The following UBN2 variants were observed in gnomAD, a reference collection of about 807,000 sequenced individuals.
UBN2 encodes the protein ubinuclein-2.
In UBN2, 35 loss-of-function variants were observed where a neutral mutation model predicts 120.2. That is an observed-to-expected ratio of 0.29 (90% CI 0.22 to 0.39). The LOEUF is 0.39. UBN2 is among the 10% of genes least tolerant of loss of function. UBN2 has a pLI of 1.00. For synonymous variants in UBN2, 661 were observed against 648.7 expected (o/e 1.02, Z -0.29); for missense variants, 1,693 against 1,663.2 (o/e 1.02, Z -0.31).
chr7:139,232,067 G>A (rs1796035847), intron 1 of UBN2, 115 bp downstream of exon 1: 2 of 1,027,362 alleles, frequency 1.9e-6, no homozygotes, highest in Non-Finnish European at 2.7e-6. Flanking sequence ...CGCCCCGAGG[G>A]TGGGGTGCGG....
chr7:139,240,285 A>G (rs1584985399), intron 2 of UBN2, among the ~76,000 whole-genome samples: 3 of 151,350 alleles, frequency 2.0e-5, no homozygotes, highest in Non-Finnish European at 4.4e-5. Flanking sequence ...GTGTGTGTGT[A>G]TATGTATATA....
At chr7:139,237,838 A>T (rs1255127028) in intron 2 of UBN2, among the ~76,000 whole-genome samples, 3 of 152,000 alleles carry the variant, frequency 2.0e-5, no homozygotes, top group African/African-American at 4.8e-5. Flanking sequence ...CCTGCCTCCT[A>T]AGAGTTTGAG....
At chr7:139,275,024 TAGC>T (rs1381780676) in intron 11 of UBN2, among the ~76,000 whole-genome samples, 1 of 152,022 alleles carries the variant, frequency 6.6e-6, no homozygotes, top group African/African-American at 2.4e-5. Context: ...ACACCTGTAA[TAGC>T]AGCACTTTGG....
At chr7:139,266,086 A>G (rs1585007311) in intron 6 of UBN2, among the ~76,000 whole-genome samples, 1 of 148,728 alleles carries the variant, frequency 6.7e-6, no homozygotes, top group Non-Finnish European at 1.5e-5. Flanking sequence ...TTAGATGTTC[A>G]TCTCAAAGTA....
downstream of UBN2, among the ~76,000 whole-genome samples, chr7:139,310,185 C>T (rs1163677173): frequency 6.6e-6 from 1 of 151,802 alleles, no homozygotes; most frequent in African/African-American, 2.4e-5. Flanking sequence ...ACACAATAAA[C>T]TGCTTGATTT....
the UBN2 span, among the ~76,000 whole-genome samples, chr7:139,326,038 A>G: frequency 6.8e-6 from 1 of 148,090 alleles, no homozygotes; most frequent in African/African-American, 2.6e-5. Context: ...TAAAAGTACA[A>G]AAATTAGCCA....
At chr7:139,267,148 T>G (rs1370593982) in intron 7 of UBN2, among the ~76,000 whole-genome samples, 1 of 152,198 alleles carries the variant, frequency 6.6e-6, no homozygotes, top group Non-Finnish European at 1.5e-5. Flanking sequence ...GGCAAAAAAG[T>G]AATCATGAGG....
the UBN2 span, among the ~76,000 whole-genome samples, chr7:139,316,051 T>C: frequency 2.6e-5 from 3 of 115,622 alleles, no homozygotes; most frequent in Non-Finnish European, 4.8e-5. Context: ...CACTCCAGCC[T>C]GGGCAACAAG....
rs1798278509 is a variant in UBN2, at chr7:139,302,343, GC to G, written c.*4509del. ...CCCTTTCCATGTTTGCAAAACTTCT[GC>G]CTTGTTTATTCCATTGCTTTTAGTT... On this transcript the variant is annotated 3_prime_UTR_variant, in exon 18 of 18. Transcript: ENST00000473989. 1 of 152,170 alleles carries G rather than the reference GC, an allele frequency of 6.6e-6. No homozygotes were observed. Among genetic ancestry groups the G allele is most frequent in the South Asian group, 2.1e-4 (1 of 4,824 alleles). The allele number at this position is 152,170 out of a possible 1,614,324, so 9.4% of individuals were successfully genotyped here. A position where few individuals can be genotyped will look rare whatever the true frequency, so the allele number is the denominator to read the frequency against.
chr7:139,323,762 G>A, the UBN2 span, among the ~76,000 whole-genome samples: 1 of 151,880 alleles, frequency 6.6e-6, no homozygotes, highest in Non-Finnish European at 1.5e-5. Flanking sequence ...GCTAATTTTG[G>A]TATTTTTGGT....
In UBN2 at chr7:139,297,845, C is replaced by G. The variant is rs1268480294; in HGVS notation, c.*9C>G. 3 of 1,614,028 alleles carry G rather than the reference C, an allele frequency of 1.9e-6. No homozygotes were observed. The highest frequency in any genetic ancestry group is 1.7e-5 in the Admixed American group (1 of 60,028). ...CACGGAAATCTCAGTGACTGCCCAGCAAGCAAAGGAGACGAAATGTTTAGT... is the reference window on the plus strand; with the variant it reads ...CACGGAAATCTCAGTGACTGCCCAGGAAGCAAAGGAGACGAAATGTTTAGT... On this transcript the variant is annotated 3_prime_UTR_variant, in exon 18 of 18. Transcript: ENST00000473989.
chr7:139,303,127 TAGAA>T lies in UBN2; in HGVS notation c.*5295_*5298del, dbSNP rs1332293706. The T allele has an allele frequency of 1.3e-5, 2 of 152,230 alleles. No individual in the cohort carries two copies. The highest frequency in any genetic ancestry group is 4.8e-5 in the African/African-American group (2 of 41,464). The allele number at this position is 152,230 out of a possible 1,614,324, so 9.4% of individuals were successfully genotyped here. A position where few individuals can be genotyped will look rare whatever the true frequency, so the allele number is the denominator to read the frequency against. Reference sequence around the variant, plus strand: ...GTTAAAAGGTTAATAAACTCAGAAGTAGAAAGACTTCAGATGCTGAGGAAAACAT... The same window carrying T: ...GTTAAAAGGTTAATAAACTCAGAAGTAGACTTCAGATGCTGAGGAAAACAT... On this transcript the variant is annotated 3_prime_UTR_variant, in exon 18 of 18. Coordinates refer to ENST00000473989, the MANE Select transcript of UBN2 (RefSeq NM_173569.4).
chr7:139,249,530 C>G (rs959343597), intron 2 of UBN2, among the ~76,000 whole-genome samples: 1 of 152,148 alleles, frequency 6.6e-6, no homozygotes. Flanking sequence ...ACTTACTCAT[C>G]TTTAACCATT....
At chr7:139,241,399 C>T (rs1319972195) in intron 2 of UBN2, among the ~76,000 whole-genome samples, 1 of 152,152 alleles carries the variant, frequency 6.6e-6, no homozygotes, top group East Asian at 1.9e-4. Flanking sequence ...TATATTCTGC[C>T]AGGCATTTAT....
chr7:139,242,013 G>T (rs943609216), intron 2 of UBN2, among the ~76,000 whole-genome samples: 2 of 151,880 alleles, frequency 1.3e-5, no homozygotes, highest in African/African-American at 2.4e-5. Context: ...CCCAAAAAAA[G>T]TCTTGATTTT....
intron 2 of UBN2, among the ~76,000 whole-genome samples, chr7:139,246,304 G>A (rs1435306870): frequency 6.6e-6 from 1 of 152,198 alleles, no homozygotes; most frequent in African/African-American, 2.4e-5. Flanking sequence ...GGCAGAGGTT[G>A]CAGTAACCTG....
intron 8 of UBN2, 60 bp downstream of exon 8, chr7:139,269,583 T>C: frequency 3.2e-6 from 5 of 1,577,546 alleles, no homozygotes; most frequent in Non-Finnish European, 4.3e-6. Flanking sequence ...AGATACTTGT[T>C]TCTGTTTGGG....
intron 3 of UBN2, among the ~76,000 whole-genome samples, chr7:139,254,150 G>A (rs1362214423): frequency 3.9e-5 from 6 of 152,014 alleles, no homozygotes; most frequent in Non-Finnish European, 5.9e-5. Flanking sequence ...AAAATTAGCC[G>A]GGCGTGGTGG....
intron 8 of UBN2, among the ~76,000 whole-genome samples, chr7:139,271,682 C>T (rs1347660134): frequency 6.6e-6 from 1 of 152,050 alleles, no homozygotes; most frequent in African/African-American, 2.4e-5. Flanking sequence ...TACATATATA[C>T]TTGTAAGATG....
Sources: allele counts gnomAD v4.1 joint callset (sites outside exome capture counted in the v4.1 genomes callset), GRCh38; gene constraint gnomAD v4.1.1; transcripts MANE v1.5; gene names NCBI Gene and HGNC (gene_info 2026-07-23, HGNC 2026-07-21).